ITGB8: variants seen among roughly 807,000 people sequenced by gnomAD.
ITGB8 encodes integrin beta-8.
Under a neutral mutation model 89.5 loss-of-function variants are expected in ITGB8, and 30 were observed. That is an observed-to-expected ratio of 0.34 (90% confidence interval 0.25 to 0.45). The LOEUF is 0.45. Among genes scored for constraint, ITGB8 ranks in the 20% least tolerant of loss-of-function variants. The probability of loss-of-function intolerance (pLI) is 1.00; values close to 1 mark genes in which losing one functional copy is unlikely to be tolerated. For missense variants in ITGB8, 836 were observed against 933.3 expected (o/e 0.90, Z 1.36); for synonymous variants, 335 against 320.4 (o/e 1.05, Z -0.49).
rs1678182714 is a variant in ITGB8 at position 20,380,520 on chromosome 7, T to C, written c.636-146T>C. 9.8e-5 allele frequency: 62 copies of C among 630,258 alleles called. 1 individual carries two copies. In the South Asian group the frequency reaches 1.2e-3, roughly 12 times the overall value. The allele number at this position is 630,258 out of a possible 1,614,324, so 39.0% of individuals were successfully genotyped here. ...TCAGCATTGAGCTTATCTCTAATTT[T>C]ATAAGCATAGATTTTCGTCGTATAA... On this transcript the variant is annotated intron_variant, in intron 4 of 13. Transcript: ENST00000222573.
rs74558286 is a variant in ITGB8 at position 20,370,568 on chromosome 7, C to G, written c.388+3382C>G. ...ATACATCATCTCTGTGGTATATAAA[C>G]TTTTACACTACTTTATTTATTTATT... On this transcript the variant is annotated intron_variant, in intron 3 of 13. Coordinates refer to ENST00000222573, the MANE Select transcript of ITGB8 (RefSeq NM_002214.3). Among the ~76,000 whole-genome samples, 864 of 149,454 alleles carry G rather than the reference C, an allele frequency of 5.8e-3. 10 individuals carry two copies. The highest frequency in any genetic ancestry group is 0.02 in the African/African-American group (805 of 40,822).
intron 3 of ITGB8, 125 bp from the exon 4 acceptor site, chr7:20,378,926 T>C: frequency 2.0e-6 from 1 of 494,520 alleles, no homozygotes; most frequent in Admixed American, 3.5e-5. Flanking sequence ...CACTAGCATA[T>C]TCCAAATTTT....
At chr7:20,343,703 C>A (rs577724950) in intron 1 of ITGB8, among the ~76,000 whole-genome samples, 1 of 152,266 alleles carries the variant, frequency 6.6e-6, no homozygotes, top group East Asian at 1.9e-4. Context: ...AAATATTCAC[C>A]CATTCTCTTC....
At chr7:20,400,053 C>G (rs1365825816) in intron 9 of ITGB8, among the ~76,000 whole-genome samples, 1 of 152,110 alleles carries the variant, frequency 6.6e-6, no homozygotes, top group Non-Finnish European at 1.5e-5. Flanking sequence ...TACCAGTTTG[C>G]AAAATGCACT....
At chr7:20,350,229 C>A (rs941807885) in intron 1 of ITGB8, among the ~76,000 whole-genome samples, 1 of 152,202 alleles carries the variant, frequency 6.6e-6, no homozygotes, top group African/African-American at 2.4e-5. Flanking sequence ...CTCACTGCAA[C>A]CTCCACCTCT....
At position 20,398,990 on chromosome 7, in the gene ITGB8, A is replaced by G. The variant is rs1354385043; in HGVS notation, c.1277A>G (p.Asp426Gly). 1.2e-6 allele frequency: 2 copies of G among 1,613,370 alleles called. No individual in the cohort carries two copies. The highest frequency in any genetic ancestry group is 2.2e-5 in the South Asian group (2 of 90,884). Residue 426 changes from aspartate to glycine, a missense_variant, in exon 9 of 14, where the codon GAT (aspartate) becomes GGT (glycine). Asp to Gly is a moderately conservative substitution (Grantham distance 94). Coordinates refer to ENST00000222573, the MANE Select transcript of ITGB8 (RefSeq NM_002214.3). ...MEGCRNVTSNDEVLFNVTVTM... is the reference protein window; with the variant it reads ...MEGCRNVTSNGEVLFNVTVTM... ...GGATGCAGAAACGTGACGAGCAATG[A>G]TGAAGTATGTGGGTGTGCATTTTTC...
chr7:20,386,489 A>C (rs1015328580), intron 6 of ITGB8, among the ~76,000 whole-genome samples: 1 of 138,554 alleles, frequency 7.2e-6, no homozygotes, highest in African/African-American at 2.8e-5. Flanking sequence ...AAATCTCCTG[A>C]CCTCATGATC....
intron 8 of ITGB8, among the ~76,000 whole-genome samples, chr7:20,398,521 T>G (rs1250045621): frequency 6.6e-6 from 1 of 152,234 alleles, no homozygotes; most frequent in African/African-American, 2.4e-5. Flanking sequence ...AAGGTTTAAT[T>G]ACACTTTATC....
At chr7:20,352,414 C>T (rs1271626528) in intron 1 of ITGB8, 1 of 152,144 alleles carries the variant, frequency 6.6e-6, no homozygotes, top group African/African-American at 2.4e-5. Flanking sequence ...TGTTGAGTGA[C>T]CATTTGGCTG....
rs150003398 is a variant in ITGB8 at position 20,354,888 on chromosome 7, T to C, written c.128-8749T>C. 1.4e-4 allele frequency among the ~76,000 whole-genome samples: 21 copies of C among 152,228 alleles called. No individual in the cohort carries two copies. In the East Asian group the frequency reaches 2.7e-3, roughly 20 times the overall value. On this transcript the variant is annotated intron_variant, in intron 1 of 13. Transcript: ENST00000222573. ...TCCTCTCAATGCCACCTTCAACAAA[T>C]TTAGGATTCCGTTAGTTAAGAACAG... is the stretch of plus-strand genomic sequence containing the variant.
At chr7:20,380,908 G>T in intron 5 of ITGB8, 77 bp downstream of exon 5, 1 of 1,255,126 alleles carries the variant, frequency 8.0e-7, no homozygotes, top group Non-Finnish European at 1.1e-6. Context: ...TTTTCTCTTT[G>T]ATTTGTGGAG....
At chr7:20,386,016 G>A (rs1786597454) in intron 6 of ITGB8, among the ~76,000 whole-genome samples, 1 of 152,156 alleles carries the variant, frequency 6.6e-6, no homozygotes, top group South Asian at 2.1e-4. Context: ...TTCAGAAAAT[G>A]TTAAATCTTT....
intron 9 of ITGB8, among the ~76,000 whole-genome samples, chr7:20,399,582 G>T (rs943881972): frequency 6.8e-6 from 1 of 147,586 alleles, no homozygotes; most frequent in Non-Finnish European, 1.5e-5. Context: ...AAAAAAAATG[G>T]GATGTAAAGG....
chr7:20,409,182 C>G (rs1020379260), intron 12 of ITGB8, among the ~76,000 whole-genome samples: 1 of 152,164 alleles, frequency 6.6e-6, no homozygotes, highest in Non-Finnish European at 1.5e-5. Context: ...ACAAGAGAAA[C>G]ATATCCTAAG....
intron 3 of ITGB8, among the ~76,000 whole-genome samples, chr7:20,375,659 C>G (rs1288498817): frequency 6.6e-6 from 1 of 152,106 alleles, no homozygotes; most frequent in Non-Finnish European, 1.5e-5. Context: ...CCCAAACCCC[C>G]TAAAATGACA....
Position 20,367,106 on chromosome 7 carries a change from C to G in ITGB8, c.308C>G (p.Ser103Cys). 6.2e-7 allele frequency: 1 copy of G among 1,610,452 alleles called. No individual in the cohort carries two copies. Among genetic ancestry groups the G allele is most frequent in the Non-Finnish European group, 8.5e-7 (1 of 1,176,734 alleles). ...GCSVDSIEYP[S>C]VHVIIPTENE... is the part of the protein sequence containing the mutation. ...TCAGTTGATTCAATAGAATACCCAT[C>G]TGTGCATGTTATAATACCCACTGAA... is the stretch of plus-strand genomic sequence containing the variant. Residue 103 changes from serine to cysteine, a missense_variant, in exon 3 of 14, where the codon TCT becomes TGT. Ser to Cys is a moderately radical substitution (Grantham distance 112). Coordinates refer to ENST00000222573, the MANE Select transcript of ITGB8 (RefSeq NM_002214.3).
rs184747143 is a variant in ITGB8, at chr7:20,350,062, G to A, written c.128-13575G>A. Among the ~76,000 whole-genome samples, 304 of 152,264 alleles carry A rather than the reference G, an allele frequency of 2.0e-3. 4 individuals carry two copies. Among genetic ancestry groups the A allele is most frequent in the Non-Finnish European group, 9.3e-4 (63 of 68,016 alleles). On this transcript the variant is annotated intron_variant, in intron 1 of 13. Transcript: ENST00000222573. ...AGGGAATAATCAGTCTGCATTATTGGTAACTGTTTTATTGAATGTATAGGG... is the reference window on the plus strand; with the variant it reads ...AGGGAATAATCAGTCTGCATTATTGATAACTGTTTTATTGAATGTATAGGG...
intron 3 of ITGB8, among the ~76,000 whole-genome samples, chr7:20,371,278 T>G (rs1180862958): frequency 1.3e-5 from 2 of 152,148 alleles, no homozygotes; most frequent in African/African-American, 4.8e-5. Flanking sequence ...ATGATTACAT[T>G]TTTAAAAATG....
intron 3 of ITGB8, among the ~76,000 whole-genome samples, chr7:20,378,166 G>A (rs1438924917): frequency 1.3e-5 from 2 of 152,186 alleles, no homozygotes; most frequent in Non-Finnish European, 1.5e-5. Context: ...GGTTAGGGGG[G>A]ACAACCCAAG....
Sources: allele counts gnomAD v4.1 joint callset (sites outside exome capture counted in the v4.1 genomes callset), GRCh38; gene constraint gnomAD v4.1.1; transcripts MANE v1.5; gene names NCBI Gene and HGNC (gene_info 2026-07-23, HGNC 2026-07-21).